RADIL: variants seen among roughly 807,000 people sequenced by gnomAD.
The protein encoded by RADIL is ras-associating and dilute domain-containing protein.
A neutral mutation model predicts 97.6 loss-of-function variants in RADIL; 99 were observed. The ratio of observed to expected loss-of-function variants is 1.01; its 90% confidence interval spans 0.86 to 1.20. The LOEUF (loss-of-function observed/expected upper bound fraction) is 1.20, where lower values mean the gene tolerates loss of function less well. Among genes scored for constraint, RADIL ranks in the 50% most tolerant of loss-of-function variants. RADIL has a pLI of 0.00. For missense variants in RADIL, 1,765 were observed against 1,498.9 expected (o/e 1.18, Z -2.93); for synonymous variants, 803 against 691.8 (o/e 1.16, Z -2.52).
intron 2 of RADIL, chr7:4,861,777 G>A (rs1784009985): frequency 6.7e-7 from 1 of 1,487,216 alleles, no homozygotes; most frequent in Non-Finnish European, 8.9e-7. Flanking sequence ...GCCGGCTGCG[G>A]TGGTCCCTGG....
At chr7:4,851,237 G>A (rs942465776) in intron 2 of RADIL, among the ~76,000 whole-genome samples, 3 of 151,872 alleles carry the variant, frequency 2.0e-5, no homozygotes, top group Non-Finnish European at 2.9e-5. Flanking sequence ...AGAAAAGTTC[G>A]GATTTTAGGG....
In RADIL at chr7:4,837,650, TACAC is replaced by T. The variant is rs891368076; in HGVS notation, c.536-1049_536-1046del. Among the ~76,000 whole-genome samples, 5 of 151,090 alleles carry T rather than the reference TACAC, an allele frequency of 3.3e-5. No individual in the cohort carries two copies. The highest frequency in any genetic ancestry group is 2.0e-4 in the East Asian group (1 of 5,122). Reference sequence around the variant, plus strand: ...ACCCAAAAACACACATGCACACACATACACACACGCCAACACACATGCACCCACA... The same window carrying T: ...ACCCAAAAACACACATGCACACACATACACGCCAACACACATGCACCCACA... On this transcript the variant is annotated intron_variant, in intron 2 of 14. Coordinates refer to ENST00000399583, the MANE Select transcript of RADIL (RefSeq NM_018059.5). This position sits in a 1 kb window ranked among gnomAD's most constrained non-coding sequence, Gnocchi z 5.6.
chr7:4,807,053 C>T lies in RADIL; in HGVS notation c.2140-1337G>A, dbSNP rs142589627. On this transcript the variant is annotated intron_variant, in intron 9 of 14. Coordinates refer to ENST00000399583, the MANE Select transcript of RADIL (RefSeq NM_018059.5). The stretch of plus-strand genomic sequence containing the variant: ...AGACTGCCTGCACCTGCCTTCCCCG[C>T]GCCCTCCACCCCTCTGCTGGCTCTT... Among the ~76,000 whole-genome samples, 787 of 152,246 alleles carry T rather than the reference C, an allele frequency of 5.2e-3. 3 individuals carry two copies. The highest frequency in any genetic ancestry group is 8.2e-3 in the Non-Finnish European group (556 of 67,998).
Position 4,883,337 on chromosome 7 carries a change from G to T in RADIL, c.-65+259C>A, listed in dbSNP as rs2115060341. Among the ~76,000 whole-genome samples the T allele has an allele frequency of 6.6e-6, 1 of 152,146 alleles. No individual in the cohort carries two copies. Among genetic ancestry groups the T allele is most frequent in the East Asian group, 2.0e-4 (1 of 5,114 alleles). ...TCGGGGGTCGGCAGCGCGGACCCCC[G>T]GATCCCCGCAGGCTGGGCCGCCCTT... On this transcript the variant is annotated intron_variant, in intron 1 of 14. Transcript: ENST00000399583. This position sits in a 1 kb window ranked among gnomAD's most constrained non-coding sequence, Gnocchi z 7.1.
Position 4,816,232 on chromosome 7 carries a change from G to T in RADIL, c.1962C>A (p.Asp654Glu). Residue 654 changes from aspartate (D) to glutamate (E), a missense_variant, in exon 8 of 15, where the codon GAC becomes GAA. Physicochemically the swap from Asp to Glu is conservative, Grantham distance 45. Transcript: ENST00000399583. The part of the protein sequence containing the change: ...SGTLLLNQLL[D>E]RGPSLSCFHW... ...AACCCTGCACGAGGCCCTCACCCCT[G>T]TCGAGGAGCTGGTTGAGAAGCAGTG... 6.2e-7 allele frequency: 1 copy of T among 1,609,702 alleles called. No homozygotes were observed. Among genetic ancestry groups the T allele is most frequent in the South Asian group, 1.1e-5 (1 of 90,956 alleles).
At chr7:4,862,064 C>CGAG (rs1562455415) in intron 2 of RADIL, 34 of 380,296 alleles carry the variant, frequency 8.9e-5, no homozygotes, top group African/African-American at 6.6e-4. Flanking sequence ...GCACCCGCCG[C>CGAG]CAGCGCGAGG....
In RADIL at chr7:4,819,492, C is replaced by A. The variant is rs759998160; in HGVS notation, c.1616-2141G>T. Among the ~76,000 whole-genome samples the A allele has an allele frequency of 6.6e-6, 1 of 152,140 alleles. No individual in the cohort carries two copies. The highest frequency in any genetic ancestry group is 1.5e-5 in the Non-Finnish European group (1 of 68,028). ...CACCAGCCGGCTGCCCCTGCCCTGCCCCGAAACTCCAGGACCCCTGAGGAA... is the reference window on the plus strand; with the variant it reads ...CACCAGCCGGCTGCCCCTGCCCTGCACCGAAACTCCAGGACCCCTGAGGAA... On this transcript the variant is annotated intron_variant, in intron 6 of 14. Transcript: ENST00000399583. The surrounding 1 kb of genome is among the most constrained non-coding windows in gnomAD (Gnocchi z 5.8).
intron 2 of RADIL, among the ~76,000 whole-genome samples, chr7:4,868,329 C>T (rs557714529): frequency 7.2e-5 from 11 of 152,270 alleles, no homozygotes; most frequent in East Asian, 3.9e-4. Flanking sequence ...CCCAAAGTGC[C>T]GGGATTACAG....
intron 2 of RADIL, among the ~76,000 whole-genome samples, chr7:4,847,908 C>T (rs925619842): frequency 6.6e-6 from 1 of 152,110 alleles, no homozygotes; most frequent in African/African-American, 2.4e-5. Flanking sequence ...GTGATGAAAA[C>T]GTGCCGGCCG....
chr7:4,871,928 T>C (rs767818325), intron 2 of RADIL, among the ~76,000 whole-genome samples: 2 of 152,148 alleles, frequency 1.3e-5, no homozygotes, highest in Non-Finnish European at 2.9e-5. Context: ...ACAAACTCTC[T>C]AGGGTGCCTC....
At chr7:4,808,540 C>G in intron 9 of RADIL, 1 of 968,040 alleles carries the variant, frequency 1.0e-6, no homozygotes, top group Non-Finnish European at 1.2e-6. Flanking sequence ...AAAAACAAAA[C>G]AAAGAAGGAG....
intron 2 of RADIL, chr7:4,860,242 G>A (rs1783948411): frequency 6.2e-7 from 1 of 1,614,004 alleles, no homozygotes; most frequent in Non-Finnish European, 8.5e-7. Context: ...ACAAGTCAAA[G>A]CTGCTGTCGT....
At position 4,799,644 on chromosome 7, in the gene RADIL, G is replaced by A. The variant is rs1420098689; in HGVS notation, c.3108C>T (p.Gly1036=). Residue 1036 remains glycine, a synonymous_variant, in exon 14 of 15, where the codon GGC becomes GGT. Coordinates refer to ENST00000399583, the MANE Select transcript of RADIL (RefSeq NM_018059.5). ...GGTGGGGGTACCTCAGGTAGCCAAG[G>A]CCCAGGAGGCTGCTGCCATTCACCT... ...ILEVNGSSLL[G]LGYLRAVDLI... The A allele has an allele frequency of 7.5e-6, 12 of 1,604,092 alleles. No individual in the cohort carries two copies. Among genetic ancestry groups the A allele is most frequent in the South Asian group, 1.1e-5 (1 of 89,818 alleles).
rs1470269454 is a variant in RADIL, at chr7:4,800,240, G to A, written c.2913C>T (p.Phe971=). 1.3e-6 allele frequency: 2 copies of A among 1,594,138 alleles called. No homozygotes were observed. Among genetic ancestry groups the A allele is most frequent in the Non-Finnish European group, 1.7e-6 (2 of 1,172,074 alleles). Reference sequence around the variant, plus strand: ...CCAGCTCCACCGTGAAGACGTAGCAGAAGTCCTCGGTGCTGGAGCTGCGGC... The same window carrying A: ...CCAGCTCCACCGTGAAGACGTAGCAAAAGTCCTCGGTGCTGGAGCTGCGGC... ...PSSRSSSTED[F]CYVFTVELER... is the part of the protein sequence containing the mutation. Residue 971 remains phenylalanine, a synonymous_variant, in exon 13 of 15, where the codon TTC becomes TTT. Coordinates refer to ENST00000399583, the MANE Select transcript of RADIL (RefSeq NM_018059.5).
intron 6 of RADIL, among the ~76,000 whole-genome samples, chr7:4,820,632 C>T (rs181190786): frequency 2.6e-5 from 4 of 152,324 alleles, no homozygotes; most frequent in Non-Finnish European, 5.9e-5. Flanking sequence ...GAGAAGGAAA[C>T]AGTGGGAAGG....
chr7:4,810,105 G>A (rs1200897807), intron 9 of RADIL, among the ~76,000 whole-genome samples: 2 of 152,026 alleles, frequency 1.3e-5, no homozygotes, highest in South Asian at 2.1e-4. Context: ...CACCCACCTC[G>A]GCCTCCCAAA....
intron 2 of RADIL, chr7:4,861,252 CTCT>C (rs779592795): frequency 1.2e-6 from 2 of 1,614,122 alleles, no homozygotes; most frequent in Non-Finnish European, 1.7e-6. Flanking sequence ...AGACTGTCAT[CTCT>C]TAAGTCCAAA....
At chr7:4,805,873 G>C in intron 9 of RADIL, 157 bp from the exon 10 acceptor site, 1 of 985,368 alleles carries the variant, frequency 1.0e-6, no homozygotes, top group Non-Finnish European at 1.2e-6. Context: ...CGGTGTCACA[G>C]CAGCAGTTCA....
Position 4,803,625 on chromosome 7 carries a change from A to G in RADIL, c.2420T>C (p.Leu807Pro). 1 of 1,550,048 alleles carries G rather than the reference A, an allele frequency of 6.5e-7. No individual in the cohort carries two copies. The highest frequency in any genetic ancestry group is 8.7e-7 in the Non-Finnish European group (1 of 1,147,074). Residue 807 changes from leucine to proline, a missense_variant, in exon 11 of 15, where the codon CTG becomes CCG. Transcript: ENST00000399583. ...GCTGGCTCTGCTCCGCAGACCCCAC[A>G]GAAAGTGGCGGACGTAGAGCAGGTG... is the stretch of plus-strand genomic sequence containing the variant. ...YQHLLYVRHF[L>P]WGLRSRASPG...
Sources: allele counts gnomAD v4.1 joint callset (sites outside exome capture counted in the v4.1 genomes callset), GRCh38; gene constraint gnomAD v4.1.1; non-coding constraint Gnocchi (gnomAD v3.1); transcripts MANE v1.5; gene names NCBI Gene and HGNC (gene_info 2026-07-23, HGNC 2026-07-21).